Variants in DCDC1 observed in about 807,000 individuals in gnomAD.
DCDC1 encodes doublecortin domain containing 1.
In DCDC1, 200 loss-of-function variants were observed where a neutral mutation model predicts 178.3. The observed-to-expected ratio is 1.12, with a 90% CI of 1.00 to 1.26. The LOEUF (loss-of-function observed/expected upper bound fraction) is 1.26, where lower values mean the gene tolerates loss of function less well. DCDC1 is among the 50% of genes most tolerant of loss of function. The pLI, the probability that DCDC1 is intolerant of heterozygous loss-of-function variation, is 0.00. For synonymous variants in DCDC1, 690 were observed against 604.8 expected (o/e 1.14, Z -2.07); for missense variants, 1,983 against 1,749.2 (o/e 1.13, Z -2.38).
intron 7 of DCDC1, among the ~76,000 whole-genome samples, chr11:31,288,148 GAA>G (rs1374649782): frequency 6.6e-6 from 1 of 151,884 alleles, no homozygotes; most frequent in Non-Finnish European, 1.5e-5. Flanking sequence ...AATTGGAAGA[GAA>G]TAAAACTTAT....
chr11:31,122,453 TA>T (rs1302234649), intron 11 of DCDC1, among the ~76,000 whole-genome samples: 1 of 152,128 alleles, frequency 6.6e-6, no homozygotes, highest in Non-Finnish European at 1.5e-5. Flanking sequence ...GATGTGCTGG[TA>T]AATGTTTAGC....
At chr11:30,943,627 C>T (rs562913232) in intron 21 of DCDC1, 1 of 453,292 alleles carries the variant, frequency 2.2e-6, no homozygotes, top group Admixed American at 2.4e-5. Flanking sequence ...AACTTTTCCC[C>T]CATAGAGTGA....
intron 3 of DCDC1, among the ~76,000 whole-genome samples, chr11:31,309,083 G>A (rs1033007108): frequency 1.5e-4 from 23 of 151,736 alleles, no homozygotes; most frequent in Admixed American, 1.4e-3. Context: ...GAGTAAAATG[G>A]TCAATTATTT....
intron 7 of DCDC1, among the ~76,000 whole-genome samples, chr11:31,265,804 T>C (rs1300414127): frequency 6.6e-6 from 1 of 150,520 alleles, no homozygotes; most frequent in Non-Finnish European, 1.5e-5. Flanking sequence ...AACACGTAAG[T>C]ATTAGTAAAA....
At chr11:31,117,117 C>A (rs1036164430) in intron 11 of DCDC1, among the ~76,000 whole-genome samples, 28 of 152,174 alleles carry the variant, frequency 1.8e-4, no homozygotes, top group African/African-American at 6.7e-4. Flanking sequence ...AATTAAAATG[C>A]CACAGCTGCA....
At chr11:31,280,982 AC>A in intron 7 of DCDC1, 1 of 617,494 alleles carries the variant, frequency 1.6e-6, no homozygotes, top group Non-Finnish European at 3.1e-6. Context: ...TCTCAACATC[AC>A]CCATATTTAA....
rs753344318 is a variant in DCDC1, at chr11:31,307,752, G to A, written c.321C>T (p.Ser107=). The stretch of plus-strand genomic sequence containing the variant: ...TATCTAGGTCTGATATTTCATCATG[G>A]CTGTGATCTGATGCTGTTTGATGTG... ...CSTHQTASDH[S]HDEISDLDSY... is the part of the protein sequence containing the mutation. Residue 107 remains serine, a synonymous_variant, in exon 4 of 39, where the codon AGC becomes AGT. Coordinates refer to ENST00000684477, the MANE Select transcript of DCDC1 (RefSeq NM_001387274.1). 6.2e-7 allele frequency: 1 copy of A among 1,614,060 alleles called. No individual in the cohort carries two copies. Among genetic ancestry groups the A allele is most frequent in the Non-Finnish European group, 8.5e-7 (1 of 1,179,972 alleles).
intron 3 of DCDC1, among the ~76,000 whole-genome samples, chr11:31,309,058 T>C (rs937435902): frequency 6.6e-6 from 1 of 152,080 alleles, no homozygotes; most frequent in African/African-American, 2.4e-5. Context: ...GCCTGCCCTC[T>C]TTATGGTCAC....
At chr11:30,963,589 C>T (rs1949247185) in intron 20 of DCDC1, among the ~76,000 whole-genome samples, 1 of 152,074 alleles carries the variant, frequency 6.6e-6, no homozygotes, top group African/African-American at 2.4e-5. Context: ...CCACTAGTCC[C>T]TCTTCTCCAT....
At chr11:31,253,718 T>C (rs1317615032) in intron 8 of DCDC1, among the ~76,000 whole-genome samples, 1 of 152,182 alleles carries the variant, frequency 6.6e-6, no homozygotes, top group African/African-American at 2.4e-5. Flanking sequence ...AATTGAGAAA[T>C]AGTATGTGCT....
At chr11:31,028,326 A>G (rs1302692042) in intron 20 of DCDC1, among the ~76,000 whole-genome samples, 1 of 151,828 alleles carries the variant, frequency 6.6e-6, no homozygotes, top group Non-Finnish European at 1.5e-5. Context: ...ACCTTTGTCT[A>G]AAAGGTTTTA....
rs1348412349 is a variant in DCDC1 at position 30,959,029 on chromosome 11, C to G, written c.2592-6461G>C. 2.0e-5 allele frequency among the ~76,000 whole-genome samples: 3 copies of G among 152,080 alleles called. No homozygotes were observed. In the East Asian group the frequency reaches 5.8e-4, roughly 30 times the overall value. On this transcript the variant is annotated intron_variant, in intron 20 of 38. Transcript: ENST00000684477. ...GGCTGAGACTTCTCAAGGATAAAGTCCTGGGTAAAGTAACTCACACTAGTC... is the reference window on the plus strand; with the variant it reads ...GGCTGAGACTTCTCAAGGATAAAGTGCTGGGTAAAGTAACTCACACTAGTC...
chr11:31,005,908 C>T (rs144620888), intron 20 of DCDC1, among the ~76,000 whole-genome samples: 1 of 149,720 alleles, frequency 6.7e-6, no homozygotes, highest in Non-Finnish European at 1.5e-5. Flanking sequence ...ATATCTCCGA[C>T]CCTTTCCTCT....
chr11:31,347,688 A>T (rs1165681956), intron 1 of DCDC1, among the ~76,000 whole-genome samples: 1 of 152,128 alleles, frequency 6.6e-6, no homozygotes, highest in Non-Finnish European at 1.5e-5. Context: ...AGCCTTCCCC[A>T]TAATAATGTG....
intron 27 of DCDC1, among the ~76,000 whole-genome samples, chr11:30,912,472 C>T (rs1049670727): frequency 3.9e-5 from 6 of 152,022 alleles, no homozygotes; most frequent in South Asian, 2.1e-4. Flanking sequence ...TTAGTAGAGA[C>T]GGGGTTTCAC....
At chr11:31,005,265 C>A (rs1317342026) in intron 20 of DCDC1, among the ~76,000 whole-genome samples, 1 of 152,198 alleles carries the variant, frequency 6.6e-6, no homozygotes, top group East Asian at 1.9e-4. Flanking sequence ...AGTCCACCAA[C>A]AACAATGGCT....
At position 30,894,237 on chromosome 11, in the gene DCDC1, A is replaced by G. The variant is rs376613105; in HGVS notation, c.4902+11T>C. 13 of 1,605,234 alleles carry G rather than the reference A, an allele frequency of 8.1e-6. No individual in the cohort carries two copies. In the African/African-American group the frequency reaches 1.3e-4, roughly 17 times the overall value. ...CAGAGTCTTTAATGTCCAGAATCCC[A>G]AAGAACATACCTCTGTATGTCTTAT... On this transcript the variant is annotated intron_variant, in intron 35 of 38. Coordinates refer to ENST00000684477, the MANE Select transcript of DCDC1 (RefSeq NM_001387274.1).
At chr11:31,238,379 T>C (rs1976704812) in intron 9 of DCDC1, among the ~76,000 whole-genome samples, 2 of 152,260 alleles carry the variant, frequency 1.3e-5, no homozygotes, top group Middle Eastern at 6.8e-3. Context: ...AAGAACATCA[T>C]GTTTAAAAAT....
Position 30,925,388 on chromosome 11 carries a change from A to G in DCDC1, c.2918T>C (p.Leu973Ser). ...RKTQCTEILN[L>S]PSAARRLYNE... is the part of the protein sequence containing the mutation. ...GTACAATCTCCGAGCTGCAGAAGGT[A>G]AATTTAAAATCTCAGTGCACCTGTA... is the stretch of plus-strand genomic sequence containing the variant. Residue 973 changes from leucine (L) to serine (S), a missense_variant, in exon 23 of 39, where the codon TTA becomes TCA. Leu to Ser is a moderately radical substitution (Grantham distance 145). Transcript: ENST00000684477. The G allele has an allele frequency of 6.2e-7, 1 of 1,613,808 alleles. No homozygotes were observed. The highest frequency in any genetic ancestry group is 8.5e-7 in the Non-Finnish European group (1 of 1,179,794).
Sources: allele counts gnomAD v4.1 joint callset (sites outside exome capture counted in the v4.1 genomes callset), GRCh38; gene constraint gnomAD v4.1.1; transcripts MANE v1.5; gene names NCBI Gene and HGNC (gene_info 2026-07-23, HGNC 2026-07-21).